Variants in LRRC4C observed in about 807,000 individuals in gnomAD.
LRRC4C encodes the protein leucine rich repeat containing 4C.
In LRRC4C, 5 loss-of-function variants were observed where a neutral mutation model predicts 33.6. The observed-to-expected ratio is 0.15, with a 90% CI of 0.08 to 0.31. LRRC4C has a LOEUF of 0.31. LRRC4C is among the 10% of genes least tolerant of loss of function. LRRC4C has a pLI of 1.00. For missense variants in LRRC4C, 560 were observed against 796.7 expected (o/e 0.70, Z 3.58); for synonymous variants, 329 against 302.0 (o/e 1.09, Z -0.93).
intron 1 of LRRC4C, among the ~76,000 whole-genome samples, chr11:40,949,303 T>G (rs974102988): frequency 6.6e-6 from 1 of 152,202 alleles, no homozygotes; most frequent in African/African-American, 2.4e-5. Context: ...TAAAATTTTC[T>G]CCCATTTTGT....
At chr11:40,587,410 G>C (rs1308623839) in intron 3 of LRRC4C, among the ~76,000 whole-genome samples, 52 of 148,520 alleles carry the variant, frequency 3.5e-4, no homozygotes, top group African/African-American at 1.3e-3. Context: ...ATACAATCAT[G>C]TCGTCTGCAA....
intron 3 of LRRC4C, among the ~76,000 whole-genome samples, chr11:40,461,302 A>G (rs1292026128): frequency 6.6e-6 from 1 of 152,150 alleles, no homozygotes; most frequent in Non-Finnish European, 1.5e-5. Flanking sequence ...TGACTTTTCC[A>G]TAAACTGGTA....
chr11:40,628,291 C>T (rs1365227256), intron 3 of LRRC4C, among the ~76,000 whole-genome samples: 1 of 152,072 alleles, frequency 6.6e-6, no homozygotes, highest in Non-Finnish European at 1.5e-5. Context: ...TCCTGGCTAA[C>T]ACGGTGAAAC....
At chr11:40,678,197 T>A (rs1051011760) in intron 2 of LRRC4C, among the ~76,000 whole-genome samples, 2 of 151,970 alleles carry the variant, frequency 1.3e-5, no homozygotes, top group Admixed American at 6.6e-5. Flanking sequence ...TACAAAGGTA[T>A]ATCGTGTAAT....
At chr11:40,746,086 A>T (rs927184072) in intron 2 of LRRC4C, among the ~76,000 whole-genome samples, 2 of 152,124 alleles carry the variant, frequency 1.3e-5, no homozygotes, top group Non-Finnish European at 2.9e-5. Context: ...AAGCAAGGCA[A>T]CCTGATCAGT....
intron 2 of LRRC4C, among the ~76,000 whole-genome samples, chr11:40,867,165 A>G (rs1954406857): frequency 6.6e-6 from 1 of 152,174 alleles, no homozygotes; most frequent in Non-Finnish European, 1.5e-5. Flanking sequence ...GGATGGGGAA[A>G]GCATTGCCTC....
chr11:40,592,110 A>C (rs2135742653), intron 3 of LRRC4C, among the ~76,000 whole-genome samples: 1 of 152,384 alleles, frequency 6.6e-6, no homozygotes, highest in Admixed American at 6.5e-5. Context: ...GCTGGATGAA[A>C]GTACAATGAT....
intron 1 of LRRC4C, among the ~76,000 whole-genome samples, chr11:41,424,295 C>A (rs541807334): frequency 1.8e-4 from 28 of 152,096 alleles, no homozygotes; most frequent in Non-Finnish European, 2.9e-4. Flanking sequence ...GGGATTTTAA[C>A]AATATCAACA....
chr11:41,448,143 G>T (rs74944254), intron 1 of LRRC4C, among the ~76,000 whole-genome samples: 5,192 of 18,660 alleles, frequency 0.28, 305 homozygotes, highest in Non-Finnish European at 0.35. Flanking sequence ...TTTTTTTTTT[G>T]GAGCTTTACT....
intron 1 of LRRC4C, among the ~76,000 whole-genome samples, chr11:41,173,278 C>T (rs898289254): frequency 6.6e-6 from 1 of 152,104 alleles, no homozygotes; most frequent in Non-Finnish European, 1.5e-5. Flanking sequence ...GACTAGCTAA[C>T]ATGAATAATT....
At chr11:40,442,162 C>CA (rs1158464665) in intron 3 of LRRC4C, among the ~76,000 whole-genome samples, 35,771 of 56,194 alleles carry the variant, frequency 0.64, 13,985 homozygotes, top group African/African-American at 0.73. Context: ...GACTCCATTT[C>CA]AAAAAAAAAA....
chr11:40,972,136 AT>A (rs3075563), intron 1 of LRRC4C, among the ~76,000 whole-genome samples: 2,996 of 137,832 alleles, frequency 0.022, 70 homozygotes, highest in African/African-American at 0.059. Context: ...GGAAGCCATA[AT>A]TTTTTTTTTT....
intron 5 of LRRC4C, among the ~76,000 whole-genome samples, chr11:40,202,903 G>A (rs1462561480): frequency 1.3e-5 from 2 of 152,188 alleles, no homozygotes; most frequent in Admixed American, 1.3e-4. Context: ...CTCTCCAAGA[G>A]ACAAATGGGT....
At chr11:41,354,730 A>G (rs1952098333) in intron 1 of LRRC4C, among the ~76,000 whole-genome samples, 1 of 152,114 alleles carries the variant, frequency 6.6e-6, no homozygotes, top group Admixed American at 6.6e-5. Flanking sequence ...CTAATCTTCA[A>G]CAAAGTCAAT....
rs764700591 is a variant in LRRC4C at position 41,455,889 on chromosome 11, GT to G, written c.-496+3541del. The stretch of plus-strand genomic sequence containing the variant: ...CATCTTCTGATTCTCAATCCAGAGG[GT>G]TTTTTTCTTCTAATTTTAACCCCAG... On this transcript the variant is annotated intron_variant, in intron 1 of 6. Coordinates refer to ENST00000528697, the MANE Select transcript of LRRC4C (RefSeq NM_001258419.2). Among the ~76,000 whole-genome samples, 14 of 152,106 alleles carry G rather than the reference GT, an allele frequency of 9.2e-5. No homozygotes were observed. The East Asian group carries it at 2.5e-3, about 27-fold the overall frequency.
At chr11:40,615,757 C>T (rs1014271978) in intron 3 of LRRC4C, among the ~76,000 whole-genome samples, 9 of 151,574 alleles carry the variant, frequency 5.9e-5, no homozygotes, top group African/African-American at 2.2e-4. Flanking sequence ...AACTACATTC[C>T]CTCTTAACCT....
intron 3 of LRRC4C, among the ~76,000 whole-genome samples, chr11:40,580,024 AT>A (rs1958396244): frequency 6.6e-6 from 1 of 150,952 alleles, no homozygotes; most frequent in Non-Finnish European, 1.5e-5. Context: ...AGGGAAAATA[AT>A]GTAATAGCTG....
chr11:40,688,480 G>GA (rs1303795688), intron 2 of LRRC4C, among the ~76,000 whole-genome samples: 2 of 152,018 alleles, frequency 1.3e-5, no homozygotes, highest in Non-Finnish European at 2.9e-5. Flanking sequence ...ACTGAATTAA[G>GA]AATTCAGAAA....
chr11:40,781,316 T>TACAC (rs141235535), intron 2 of LRRC4C, among the ~76,000 whole-genome samples: 1 of 151,886 alleles, frequency 6.6e-6, no homozygotes. Flanking sequence ...TGTGTGTACA[T>TACAC]ACACACACAC....
Sources: allele counts gnomAD v4.1 joint callset (sites outside exome capture counted in the v4.1 genomes callset), GRCh38; gene constraint gnomAD v4.1.1; transcripts MANE v1.5; gene names NCBI Gene and HGNC (gene_info 2026-07-23, HGNC 2026-07-21).